Variants in CTNND2 observed in about 807,000 individuals in gnomAD.
CTNND2 encodes the protein catenin delta-2.
Under a neutral mutation model 144.4 loss-of-function variants are expected in CTNND2, and 22 were observed. That is an observed-to-expected ratio of 0.15 (90% CI 0.11 to 0.22). The LOEUF is 0.22. Ranked by LOEUF, CTNND2 falls within the 10% of genes least tolerant of loss-of-function variation. The pLI, the probability that CTNND2 is intolerant of heterozygous loss-of-function variation, is 1.00. For missense variants in CTNND2, 1,353 were observed against 1,618.8 expected (o/e 0.84, Z 2.82); for synonymous variants, 751 against 695.6 (o/e 1.08, Z -1.25).
chr5:11,592,512 T>A (rs1445727188), intron 2 of CTNND2, among the ~76,000 whole-genome samples: 1 of 151,924 alleles, frequency 6.6e-6, no homozygotes, highest in Non-Finnish European at 1.5e-5. Context: ...AGGAAAGAAG[T>A]ACAATAAAAT....
intron 1 of CTNND2, among the ~76,000 whole-genome samples, chr5:11,773,450 C>T (rs1790061897): frequency 6.6e-6 from 1 of 152,188 alleles, no homozygotes; most frequent in Admixed American, 6.5e-5. Context: ...GCCCCAGATG[C>T]TATTTAAGTA....
In CTNND2 at chr5:10,973,806, G is replaced by C; in HGVS notation, c.3418-93C>G. The C allele has an allele frequency of 1.4e-6, 2 of 1,397,268 alleles. No individual in the cohort carries two copies. The highest frequency in any genetic ancestry group is 1.9e-6 in the Non-Finnish European group (2 of 1,042,258). The allele number at this position is 1,397,268 out of a possible 1,614,324, so 86.6% of individuals were successfully genotyped here. A position where few individuals can be genotyped will look rare whatever the true frequency, so the allele number is the denominator to read the frequency against. On this transcript the variant is annotated intron_variant, in intron 21 of 21. Transcript: ENST00000304623. This position sits in a 1 kb window ranked among gnomAD's most constrained non-coding sequence, Gnocchi z 5.6. ...GCACCCAACTCTCCTTCAAAGAATA[G>C]GCTGTGTATATCCAGGCATTCACCA...
chr5:11,775,719 ATG>A (rs1260545376), intron 1 of CTNND2, among the ~76,000 whole-genome samples: 1 of 152,230 alleles, frequency 6.6e-6, no homozygotes, highest in Non-Finnish European at 1.5e-5. Flanking sequence ...TGAGTAGAGT[ATG>A]TGTCTGCAGC....
chr5:11,610,565 A>G (rs1019832869), intron 2 of CTNND2, among the ~76,000 whole-genome samples: 3 of 152,188 alleles, frequency 2.0e-5, no homozygotes, highest in African/African-American at 2.4e-5. Context: ...CCCACCGTCC[A>G]ATAAGACACT....
At chr5:11,617,751 A>C (rs2126412084) in intron 2 of CTNND2, among the ~76,000 whole-genome samples, 1 of 152,322 alleles carries the variant, frequency 6.6e-6, no homozygotes, top group Non-Finnish European at 1.5e-5. Flanking sequence ...AAGTTAAACA[A>C]GCATCTTTAT....
At chr5:11,864,560 G>A (rs1795651534) in intron 1 of CTNND2, among the ~76,000 whole-genome samples, 1 of 152,108 alleles carries the variant, frequency 6.6e-6, no homozygotes, top group Non-Finnish European at 1.5e-5. Flanking sequence ...TAGCACTCCC[G>A]CTGCCTTTCC....
intron 7 of CTNND2, among the ~76,000 whole-genome samples, chr5:11,374,984 G>A (rs1222259772): frequency 6.6e-6 from 1 of 151,908 alleles, no homozygotes; most frequent in Non-Finnish European, 1.5e-5. Flanking sequence ...ACAGGAATAA[G>A]GCTTAACAAG....
At chr5:11,094,374 A>G (rs1751110116) in intron 15 of CTNND2, among the ~76,000 whole-genome samples, 1 of 151,718 alleles carries the variant, frequency 6.6e-6, no homozygotes, top group Non-Finnish European at 1.5e-5. Context: ...TCTTTCTTGC[A>G]TTCTTATATT....
At chr5:11,040,203 G>A (rs527618837) in intron 16 of CTNND2, among the ~76,000 whole-genome samples, 6 of 152,182 alleles carry the variant, frequency 3.9e-5, no homozygotes, top group East Asian at 1.9e-4. Flanking sequence ...CTGAGATCAC[G>A]CCATTGCACT....
At chr5:11,685,067 A>G (rs1784584235) in intron 2 of CTNND2, among the ~76,000 whole-genome samples, 1 of 152,182 alleles carries the variant, frequency 6.6e-6, no homozygotes, top group Non-Finnish European at 1.5e-5. Flanking sequence ...GTCATCTAAA[A>G]CAGTGTAGTA....
At chr5:11,552,367 T>A (rs1014364415) in intron 3 of CTNND2, among the ~76,000 whole-genome samples, 1 of 152,206 alleles carries the variant, frequency 6.6e-6, no homozygotes, top group South Asian at 2.1e-4. Flanking sequence ...TTCTCCCTCA[T>A]ATAAAGTTCA....
intron 20 of CTNND2, 151 bp from the exon 21 acceptor site, chr5:10,981,997 T>A: frequency 1.6e-6 from 1 of 620,412 alleles, no homozygotes; most frequent in East Asian, 2.8e-5. Flanking sequence ...GAACACTTCA[T>A]TTTACATACA....
chr5:11,087,572 T>A (rs1750308300), intron 15 of CTNND2, among the ~76,000 whole-genome samples: 1 of 152,210 alleles, frequency 6.6e-6, no homozygotes. Context: ...GCTCTTCACA[T>A]CCAGAGTTAT....
chr5:11,067,425 C>T (rs1026494282), intron 16 of CTNND2, among the ~76,000 whole-genome samples: 1 of 152,212 alleles, frequency 6.6e-6, no homozygotes, highest in African/African-American at 2.4e-5. Context: ...ACTCAACCCA[C>T]ACCTAAACAG....
chr5:11,766,235 T>C (rs1003506302), intron 1 of CTNND2, among the ~76,000 whole-genome samples: 5 of 152,182 alleles, frequency 3.3e-5, no homozygotes, highest in African/African-American at 1.2e-4. Context: ...AAACATTCCA[T>C]AGGGATAATA....
intron 19 of CTNND2, among the ~76,000 whole-genome samples, chr5:10,990,925 T>C (rs1738603712): frequency 6.6e-6 from 1 of 152,238 alleles, no homozygotes; most frequent in East Asian, 1.9e-4. Flanking sequence ...TAACACTGAT[T>C]GGCTCACTGT....
chr5:11,614,507 A>G (rs1461316125), intron 2 of CTNND2, among the ~76,000 whole-genome samples: 1 of 152,248 alleles, frequency 6.6e-6, no homozygotes, highest in Admixed American at 6.5e-5. Flanking sequence ...GCATTAGCGT[A>G]TTAAGATGAA....
chr5:11,054,623 T>A (rs1345484216), intron 16 of CTNND2, among the ~76,000 whole-genome samples: 6 of 152,072 alleles, frequency 3.9e-5, no homozygotes, highest in Non-Finnish European at 7.3e-5. Context: ...CAGCTCCTCC[T>A]TGAAGACCGC....
intron 1 of CTNND2, among the ~76,000 whole-genome samples, chr5:11,834,076 T>C (rs1231294208): frequency 6.6e-6 from 1 of 152,106 alleles, no homozygotes; most frequent in East Asian, 1.9e-4. Context: ...ATGGGGTAGT[T>C]TGCCTTCTGA....
Sources: gnomAD v4.1 joint callset for allele counts (sites outside exome capture counted in the v4.1 genomes callset) on GRCh38, gnomAD v4.1.1 for gene constraint, Gnocchi (gnomAD v3.1) non-coding constraint, MANE v1.5 for transcripts, NCBI Gene and HGNC (gene_info 2026-07-23, HGNC 2026-07-21) for gene names.